KCNH5: variants seen among roughly 807,000 people sequenced by gnomAD.
The protein encoded by KCNH5 is voltage-gated delayed rectifier potassium channel KCNH5.
In KCNH5, 46 loss-of-function variants were observed where a neutral mutation model predicts 96.1. The observed-to-expected ratio is 0.48, with a 90% CI of 0.38 to 0.61. The LOEUF is 0.61. Among genes scored for constraint, KCNH5 ranks in the 20% least tolerant of loss-of-function variants. The probability of loss-of-function intolerance (pLI) is 0.00; values close to 1 mark genes in which losing one functional copy is unlikely to be tolerated. For missense variants in KCNH5, 907 were observed against 1,225.8 expected (o/e 0.74, Z 3.88); for synonymous variants, 439 against 449.8 (o/e 0.98, Z 0.30).
At chr14:63,019,162 T>C (rs1566543271) in intron 1 of KCNH5, among the ~76,000 whole-genome samples, 1 of 151,814 alleles carries the variant, frequency 6.6e-6, no homozygotes, top group Non-Finnish European at 1.5e-5. Flanking sequence ...TTTTTCCAGA[T>C]AGAATGAAAA....
intron 7 of KCNH5, among the ~76,000 whole-genome samples, chr14:62,891,195 T>C (rs909531759): frequency 9.3e-5 from 14 of 151,344 alleles, no homozygotes; most frequent in Admixed American, 2.6e-4. Flanking sequence ...GAAAATGTAG[T>C]ACATCTACAC....
At chr14:62,978,253 T>C (rs1457142908) in intron 6 of KCNH5, among the ~76,000 whole-genome samples, 2 of 152,138 alleles carry the variant, frequency 1.3e-5, no homozygotes, top group Non-Finnish European at 2.9e-5. Context: ...CACCAAATGC[T>C]GAGTCGAGAA....
intron 1 of KCNH5, among the ~76,000 whole-genome samples, chr14:63,041,498 G>T (rs772275893): frequency 6.6e-6 from 1 of 152,028 alleles, no homozygotes; most frequent in African/African-American, 2.4e-5. Context: ...TATTTTGATC[G>T]TACTAGCCAA....
intron 7 of KCNH5, among the ~76,000 whole-genome samples, chr14:62,918,872 G>T (rs1351453860): frequency 6.6e-6 from 1 of 151,912 alleles, no homozygotes; most frequent in African/African-American, 2.4e-5. Context: ...TCCCAAATAG[G>T]TAATTGTCCA....
chr14:62,877,043 A>AT (rs1888387823), intron 7 of KCNH5, among the ~76,000 whole-genome samples: 1 of 152,156 alleles, frequency 6.6e-6, no homozygotes. Context: ...ATAGTTGTAG[A>AT]TATGTGGCAT....
chr14:62,808,258 A>T (rs941268587), intron 8 of KCNH5, among the ~76,000 whole-genome samples: 1 of 152,124 alleles, frequency 6.6e-6, no homozygotes, highest in Admixed American at 6.6e-5. Flanking sequence ...GTTTTAAGTT[A>T]GATAGAATAA....
chr14:62,766,758 A>G (rs544653409), intron 10 of KCNH5, among the ~76,000 whole-genome samples: 1 of 152,226 alleles, frequency 6.6e-6, no homozygotes, highest in East Asian at 1.9e-4. Flanking sequence ...AATAAGACCT[A>G]GTATTTGATA....
At chr14:62,773,266 A>C (rs983496188) in intron 10 of KCNH5, among the ~76,000 whole-genome samples, 1 of 152,224 alleles carries the variant, frequency 6.6e-6, no homozygotes, top group African/African-American at 2.4e-5. Flanking sequence ...AAATAAAATG[A>C]AATTGGTGAT....
intron 7 of KCNH5, among the ~76,000 whole-genome samples, chr14:62,857,227 T>C (rs1207382564): frequency 6.6e-6 from 1 of 152,050 alleles, no homozygotes; most frequent in African/African-American, 2.4e-5. Context: ...ATTACTAATG[T>C]AACAAAGACG....
intron 10 of KCNH5, among the ~76,000 whole-genome samples, chr14:62,765,585 G>A (rs1445893294): frequency 2.6e-4 from 40 of 151,858 alleles, no homozygotes; most frequent in Admixed American, 2.4e-3. Flanking sequence ...AACAGACAAC[G>A]TACATAATGA....
chr14:62,817,734 T>C (rs1386176215), intron 8 of KCNH5, among the ~76,000 whole-genome samples: 1 of 146,904 alleles, frequency 6.8e-6, no homozygotes. Context: ...ATATTCTATA[T>C]AATAATATAT....
At chr14:63,038,888 T>C (rs1247759965) in intron 1 of KCNH5, among the ~76,000 whole-genome samples, 1 of 152,088 alleles carries the variant, frequency 6.6e-6, no homozygotes, top group Non-Finnish European at 1.5e-5. Context: ...AGCTAGACTA[T>C]TTAGTGGAAA....
rs568562749 is a variant in KCNH5, at chr14:62,981,278, A to T, written c.550-14T>A. Reference sequence around the variant, plus strand: ...CAGCTGAAGAACCTAAAAGAGAGAAAATGTATTTATACATGACTAGGTTAT... The same window carrying T: ...CAGCTGAAGAACCTAAAAGAGAGAATATGTATTTATACATGACTAGGTTAT... On this transcript the variant is annotated splice_polypyrimidine_tract_variant and intron_variant, in intron 5 of 10. Transcript: ENST00000322893. The T allele has an allele frequency of 4.2e-5, 67 of 1,612,802 alleles. No homozygotes were observed. The highest frequency in any genetic ancestry group is 5.4e-5 in the Non-Finnish European group (64 of 1,179,346).
intron 8 of KCNH5, among the ~76,000 whole-genome samples, chr14:62,838,520 G>C (rs774533613): frequency 3.9e-5 from 6 of 152,132 alleles, no homozygotes; most frequent in Non-Finnish European, 7.4e-5. Context: ...TACAATTTCA[G>C]TCAAAAGCTA....
chr14:62,707,971 T>A lies in KCNH5; in HGVS notation c.2504A>T (p.Glu835Val). 1 of 1,614,228 alleles carries A rather than the reference T, an allele frequency of 6.2e-7. No individual in the cohort carries two copies. The highest frequency in any genetic ancestry group is 2.2e-5 in the East Asian group (1 of 44,880). ...KEDWNNVTKA[E>V]SMGLLSEDPK... is the part of the protein sequence containing the mutation. Reference sequence around the variant, plus strand: ...GTCCTCAGACAATAGCCCCATTGACTCAGCTTTAGTGACATTATTCCAGTC... The same window carrying A: ...GTCCTCAGACAATAGCCCCATTGACACAGCTTTAGTGACATTATTCCAGTC... Residue 835 changes from glutamate to valine, a missense_variant, in exon 11 of 11, where the codon GAG becomes GTG. Glu to Val is a moderately radical substitution (Grantham distance 121, BLOSUM62 -2). Around this residue, in one of 6 missense-constraint regions of KCNH5, gnomAD observed 362 missense variants for 394.4 expected, o/e 0.92. Coordinates refer to ENST00000322893, the MANE Select transcript of KCNH5 (RefSeq NM_139318.5).
At chr14:62,820,149 G>T (rs775182361) in intron 8 of KCNH5, among the ~76,000 whole-genome samples, 5 of 152,090 alleles carry the variant, frequency 3.3e-5, no homozygotes, top group Non-Finnish European at 5.9e-5. Flanking sequence ...GGAAAATATA[G>T]GCAGCAGCTC....
At chr14:62,746,780 A>C (rs1885384219) in intron 10 of KCNH5, among the ~76,000 whole-genome samples, 1 of 152,258 alleles carries the variant, frequency 6.6e-6, no homozygotes, top group Admixed American at 6.5e-5. Flanking sequence ...TATTTTAAAA[A>C]GGTATCAGTT....
In KCNH5 at chr14:62,703,240, C is replaced by G. The variant is rs1446412771; in HGVS notation, c.*4268G>C. The G allele has an allele frequency of 6.6e-6, 1 of 151,874 alleles. No homozygotes were observed. Among genetic ancestry groups the G allele is most frequent in the African/African-American group, 2.4e-5 (1 of 41,436 alleles). 9.4% of individuals were successfully genotyped at this position (151,874 alleles called of 1,614,324 possible). Reference sequence around the variant, plus strand: ...TGCCACTAGCAAACTATGCCTCTCTCCATTAACCTCTGACCAGATAAATCT... The same window carrying G: ...TGCCACTAGCAAACTATGCCTCTCTGCATTAACCTCTGACCAGATAAATCT... On this transcript the variant is annotated 3_prime_UTR_variant, in exon 11 of 11. Transcript: ENST00000322893.
intron 9 of KCNH5, among the ~76,000 whole-genome samples, chr14:62,789,804 G>C (rs1886394197): frequency 6.6e-6 from 1 of 151,894 alleles, no homozygotes; most frequent in African/African-American, 2.4e-5. Context: ...AGTTGTAAGA[G>C]TTCTTACATA....
Sources: gnomAD v4.1 joint callset for allele counts (sites outside exome capture counted in the v4.1 genomes callset) on GRCh38, gnomAD v4.1.1 for gene constraint, gnomAD v4.1.1 regional missense constraint, MANE v1.5 for transcripts, NCBI Gene and HGNC (gene_info 2026-07-23, HGNC 2026-07-21) for gene names.